Variants in CDK6 observed in about 807,000 individuals in gnomAD.
The protein encoded by CDK6 is cyclin dependent kinase 6, also known as cyclin-dependent kinase 6.
Under a neutral mutation model 37.1 loss-of-function variants are expected in CDK6, and 6 were observed. The observed-to-expected ratio is 0.16, with a 90% CI of 0.09 to 0.32. The LOEUF is 0.32. CDK6 is among the 10% of genes least tolerant of loss of function. The probability of loss-of-function intolerance (pLI) is 1.00; values close to 1 mark genes in which losing one functional copy is unlikely to be tolerated. For missense variants in CDK6, 224 were observed against 418.9 expected (o/e 0.53, Z 4.06); for synonymous variants, 160 against 161.3 (o/e 0.99, Z 0.06).
intron 3 of CDK6, among the ~76,000 whole-genome samples, chr7:92,753,809 T>C (rs1021577062): frequency 9.2e-5 from 14 of 152,340 alleles, no homozygotes; most frequent in Non-Finnish European, 1.6e-4. Context: ...CTCCCTGCTT[T>C]CAATGAGGTA....
intron 4 of CDK6, among the ~76,000 whole-genome samples, chr7:92,673,652 C>G (rs1797139386): frequency 6.6e-6 from 1 of 152,174 alleles, no homozygotes; most frequent in African/African-American, 2.4e-5. Context: ...TTTAACCCTG[C>G]CTGTTCATCA....
intron 4 of CDK6, among the ~76,000 whole-genome samples, chr7:92,702,220 CTT>C (rs3066453): frequency 1.8e-3 from 79 of 44,892 alleles, no homozygotes; most frequent in African/African-American, 5.8e-3. Flanking sequence ...CAAGTATATT[CTT>C]TTTTTTTTTT....
intron 2 of CDK6, 28 bp from the exon 3 acceptor site, chr7:92,774,859 A>G (rs2115786843): frequency 1.3e-6 from 2 of 1,597,046 alleles, no homozygotes; most frequent in Admixed American, 1.8e-5. Flanking sequence ...GAGGTTAAGT[A>G]GGTGGCAATA....
chr7:92,725,195 G>A, intron 4 of CDK6: 6 of 985,350 alleles, frequency 6.1e-6, no homozygotes, highest in Non-Finnish European at 7.2e-6. Context: ...AGCTTCAGAT[G>A]AGTGCATTAA....
At chr7:92,746,154 C>G (rs541503947) in intron 3 of CDK6, among the ~76,000 whole-genome samples, 2 of 152,140 alleles carry the variant, frequency 1.3e-5, no homozygotes, top group African/African-American at 4.8e-5. Context: ...GTCTATTCAG[C>G]CATCCCTCTA....
intron 4 of CDK6, among the ~76,000 whole-genome samples, chr7:92,701,185 TG>T (rs1338666409): frequency 6.6e-6 from 1 of 152,164 alleles, no homozygotes; most frequent in East Asian, 1.9e-4. Context: ...TCAAAGTGGA[TG>T]GGATCAAGCG....
intron 4 of CDK6, among the ~76,000 whole-genome samples, chr7:92,683,670 G>C (rs1302214439): frequency 6.6e-6 from 1 of 151,654 alleles, no homozygotes; most frequent in Non-Finnish European, 1.5e-5. Context: ...AGTAATCCAG[G>C]CTACCAGAAA....
intron 3 of CDK6, among the ~76,000 whole-genome samples, chr7:92,748,303 A>G (rs1799107788): frequency 1.3e-5 from 2 of 152,190 alleles, no homozygotes; most frequent in Admixed American, 6.5e-5. Flanking sequence ...GAAGGAAGAA[A>G]GGCCTTTAGG....
chr7:92,800,106 T>C (rs1357142892), intron 2 of CDK6, among the ~76,000 whole-genome samples: 1 of 152,152 alleles, frequency 6.6e-6, no homozygotes, highest in African/African-American at 2.4e-5. Flanking sequence ...TAACTATCTC[T>C]CATATGCAAA....
At chr7:92,672,871 C>T (rs543869134) in intron 4 of CDK6, among the ~76,000 whole-genome samples, 4 of 152,246 alleles carry the variant, frequency 2.6e-5, no homozygotes, top group African/African-American at 4.8e-5. Flanking sequence ...CAATAAATGG[C>T]GGCTGCCATC....
intron 3 of CDK6, among the ~76,000 whole-genome samples, chr7:92,747,190 C>T (rs981290303): frequency 5.9e-5 from 9 of 152,130 alleles, no homozygotes; most frequent in Admixed American, 1.3e-4. Flanking sequence ...TCCTTTACTC[C>T]GGACAATGAG....
chr7:92,786,810 T>C (rs1800153517), intron 2 of CDK6, among the ~76,000 whole-genome samples: 1 of 151,742 alleles, frequency 6.6e-6, no homozygotes, highest in African/African-American at 2.4e-5. Context: ...ACATTCACAA[T>C]ATATTATTTT....
chr7:92,630,849 T>TG (rs2116511459), intron 5 of CDK6, among the ~76,000 whole-genome samples: 1 of 152,240 alleles, frequency 6.6e-6, no homozygotes, highest in African/African-American at 2.4e-5. Context: ...GCAAGGGTGA[T>TG]GGTGTGGTGT....
intron 2 of CDK6, among the ~76,000 whole-genome samples, chr7:92,789,815 G>A (rs973058027): frequency 6.6e-6 from 1 of 152,162 alleles, no homozygotes; most frequent in Non-Finnish European, 1.5e-5. Context: ...AAGAAGCTAA[G>A]ATTCATAGAA....
intron 2 of CDK6, among the ~76,000 whole-genome samples, chr7:92,799,326 C>T (rs1490616963): frequency 6.6e-6 from 1 of 152,090 alleles, no homozygotes; most frequent in African/African-American, 2.4e-5. Context: ...ACCTCTTGGA[C>T]GCACCTCAGA....
At chr7:92,660,288 T>C (rs903358599) in intron 5 of CDK6, among the ~76,000 whole-genome samples, 1 of 152,186 alleles carries the variant, frequency 6.6e-6, no homozygotes, top group Non-Finnish European at 1.5e-5. Context: ...GTAAGCACAG[T>C]ACAGTGCTTC....
chr7:92,692,797 A>C (rs767225097), intron 4 of CDK6, among the ~76,000 whole-genome samples: 4 of 152,214 alleles, frequency 2.6e-5, no homozygotes, highest in African/African-American at 4.8e-5. Context: ...CAAAAATAAA[A>C]AACAAAAAAC....
At chr7:92,724,576 A>G (rs1798465078) in intron 4 of CDK6, among the ~76,000 whole-genome samples, 1 of 152,126 alleles carries the variant, frequency 6.6e-6, no homozygotes, top group South Asian at 2.1e-4. Flanking sequence ...TTGAATTTCT[A>G]CTTATCAGCT....
At chr7:92,672,611 A>G (rs897023697) in intron 4 of CDK6, among the ~76,000 whole-genome samples, 3 of 143,760 alleles carry the variant, frequency 2.1e-5, no homozygotes, top group Non-Finnish European at 4.5e-5. Flanking sequence ...GGGGGGGTTC[A>G]AGTGATTCCT....
Sources: allele counts gnomAD v4.1 joint callset (sites outside exome capture counted in the v4.1 genomes callset), GRCh38; gene constraint gnomAD v4.1.1; transcripts MANE v1.5; gene names NCBI Gene and HGNC (gene_info 2026-07-23, HGNC 2026-07-21).